CNTNAP3B: variants seen among roughly 807,000 people sequenced by gnomAD.
The protein encoded by CNTNAP3B is contactin-associated protein-like 3B.
CNTNAP3B carries 25 observed loss-of-function variants against 108.9 expected under a neutral mutation model. The observed-to-expected ratio is 0.23, with a 90% CI of 0.17 to 0.32. The LOEUF is 0.32. CNTNAP3B is among the 10% of genes least tolerant of loss of function. The pLI is 1.00. For synonymous variants in CNTNAP3B, 103 were observed against 473.4 expected, an observed-to-expected ratio of 0.22 and a Z score of 10.16; for missense variants, 252 against 1,210.4, an observed-to-expected ratio of 0.21 and a Z score of 11.75.
At chr9:41,973,845 TTCTC>T (rs1167766380) in intron 9 of CNTNAP3B, among the ~76,000 whole-genome samples, 1 of 130,452 alleles carries the variant, frequency 7.7e-6, no homozygotes, top group African/African-American at 3.1e-5. Context: ...TTCTCTTTCT[TTCTC>T]TCTCTCTCTC....
chr9:41,920,592 G>C (rs1823640649), intron 17 of CNTNAP3B, among the ~76,000 whole-genome samples: 1 of 152,290 alleles, frequency 6.6e-6, no homozygotes, highest in Non-Finnish European at 1.5e-5. Flanking sequence ...TTTCACTTTA[G>C]TTCCTTTACA....
At chr9:42,098,517 A>T (rs1827957418) in intron 2 of CNTNAP3B, among the ~76,000 whole-genome samples, 1 of 93,490 alleles carries the variant, frequency 1.1e-5, no homozygotes, top group Non-Finnish European at 2.1e-5. Flanking sequence ...TGGGAGGTGG[A>T]GCTTGCAGTG....
intron 15 of CNTNAP3B, among the ~76,000 whole-genome samples, chr9:41,926,091 T>G (rs1407382537): frequency 1.3e-5 from 2 of 152,292 alleles, no homozygotes; most frequent in Non-Finnish European, 2.9e-5. Flanking sequence ...TTATCTATTA[T>G]GTATATTAAA....
chr9:41,960,734 GTCTAT>G lies in CNTNAP3B; in HGVS notation c.1876+34_1876+38del, dbSNP rs1248426078. ...TGCCAACTAGGTAAATTTCTCCTTG[GTCTAT>G]TCTGATCTATGCATCTAACGATTAT... On this transcript the variant is annotated intron_variant, in intron 12 of 23. Transcript: ENST00000377561. 8.3e-6 allele frequency: 13 copies of G among 1,571,484 alleles called. No individual in the cohort carries two copies. The East Asian group carries it at 2.9e-4, about 35-fold the overall frequency.
chr9:42,054,058 C>G (rs1301595983), intron 3 of CNTNAP3B, among the ~76,000 whole-genome samples: 1 of 151,492 alleles, frequency 6.6e-6, no homozygotes, highest in Non-Finnish European at 1.5e-5. Flanking sequence ...TACTTTAGAG[C>G]ACAATAAAAT....
intron 2 of CNTNAP3B, among the ~76,000 whole-genome samples, chr9:42,087,397 G>A (rs955070093): frequency 7.9e-6 from 1 of 126,444 alleles, no homozygotes; most frequent in Non-Finnish European, 1.7e-5. Context: ...AACCTTGAGA[G>A]GTGAGGTTAC....
At chr9:42,126,816 C>T (rs1828581429) in intron 1 of CNTNAP3B, among the ~76,000 whole-genome samples, 2 of 138,230 alleles carry the variant, frequency 1.4e-5, no homozygotes, top group Admixed American at 1.4e-4. Flanking sequence ...GTGATCCACC[C>T]ACCTCGGCCT....
chr9:42,056,324 A>ATTTT (rs1236668921), intron 3 of CNTNAP3B, among the ~76,000 whole-genome samples: 5 of 101,710 alleles, frequency 4.9e-5, no homozygotes, highest in African/African-American at 1.4e-4. Context: ...TATCTCATGA[A>ATTTT]TTTTATTATT....
chr9:41,946,044 G>A (rs1824525192), intron 13 of CNTNAP3B, among the ~76,000 whole-genome samples: 1 of 152,066 alleles, frequency 6.6e-6, no homozygotes, highest in Admixed American at 6.5e-5. Context: ...ATATAATAAT[G>A]CTTAATATGT....
chr9:41,931,413 C>A (rs1230622668), intron 14 of CNTNAP3B, among the ~76,000 whole-genome samples: 7 of 152,268 alleles, frequency 4.6e-5, no homozygotes, highest in East Asian at 1.9e-4. Context: ...ACTAGAATTT[C>A]TTTTACTTAA....
At chr9:42,080,691 G>A (rs1827595028) in intron 2 of CNTNAP3B, among the ~76,000 whole-genome samples, 1 of 113,976 alleles carries the variant, frequency 8.8e-6, no homozygotes. Context: ...AAAGCATAAA[G>A]TTGGGAGTGA....
chr9:41,951,755 G>T (rs1293209369), intron 13 of CNTNAP3B, among the ~76,000 whole-genome samples: 1 of 152,054 alleles, frequency 6.6e-6, no homozygotes, highest in African/African-American at 2.4e-5. Context: ...GATGCCGACT[G>T]CACAGGTCTA....
rs1206958202 is a variant in CNTNAP3B at position 42,100,224 on chromosome 9, C to T, written c.196+4405G>A. On this transcript the variant is annotated intron_variant, in intron 2 of 23. Transcript: ENST00000377561. ...CCTTAATATCCCACATTCCTTTAAC[C>T]TGAGGTGGAAAACTCAAGTGGGGAG... is the stretch of plus-strand genomic sequence containing the variant. Among the ~76,000 whole-genome samples the T allele has an allele frequency of 2.5e-5, 2 of 80,174 alleles. 1 individual carries two copies. Among genetic ancestry groups the T allele is most frequent in the Non-Finnish European group, 5.2e-5 (2 of 38,226 alleles). The allele number at this position is 80,174 out of a possible 152,430, so 52.6% of individuals were successfully genotyped here.
In CNTNAP3B at chr9:41,984,013, T is replaced by C. The variant is rs1410629281; in HGVS notation, c.1477+2155A>G. On this transcript the variant is annotated intron_variant, in intron 9 of 23. Transcript: ENST00000377561. ...TTGCAGTGAGCCGAGATCGCGCCAC[T>C]GCACTCCAGCCTGGGGGACACAGCG... Among the ~76,000 whole-genome samples the C allele has an allele frequency of 3.1e-5, 3 of 95,852 alleles. 1 individual carries two copies. The highest frequency in any genetic ancestry group is 6.3e-5 in the Non-Finnish European group (3 of 47,254). 62.9% of individuals were successfully genotyped at this position (95,852 alleles called of 152,430 possible).
In CNTNAP3B at chr9:42,058,329, C is replaced by G. The variant is rs1223498177; in HGVS notation, c.390+18540G>C. On this transcript the variant is annotated intron_variant, in intron 3 of 23. Coordinates refer to ENST00000377561, the MANE Select transcript of CNTNAP3B (RefSeq NM_001201380.3). The stretch of plus-strand genomic sequence containing the variant: ...TGGATATACAAATTTACATTGCCAC[C>G]AACAGTATACAGGGATCCTCTTTTC... Among the ~76,000 whole-genome samples, 4 of 152,188 alleles carry G rather than the reference C, an allele frequency of 2.6e-5. No individual in the cohort carries two copies. The East Asian group carries it at 7.7e-4, about 29-fold the overall frequency.
At chr9:42,017,317 A>G (rs1826235988) in intron 3 of CNTNAP3B, among the ~76,000 whole-genome samples, 1 of 130,352 alleles carries the variant, frequency 7.7e-6, no homozygotes, top group African/African-American at 3.1e-5. Flanking sequence ...TGAGTATGAA[A>G]TACCCAGATT....
intron 9 of CNTNAP3B, among the ~76,000 whole-genome samples, chr9:41,977,995 A>T (rs1825554483): frequency 7.8e-6 from 1 of 128,432 alleles, no homozygotes; most frequent in African/African-American, 3.2e-5. Flanking sequence ...AAAAAAAAAC[A>T]GTAAAATGCA....
intron 3 of CNTNAP3B, among the ~76,000 whole-genome samples, chr9:42,063,723 T>C (rs966886826): frequency 2.9e-5 from 4 of 137,352 alleles, no homozygotes; most frequent in Admixed American, 7.2e-5. Context: ...TTCCTCTCTC[T>C]CTATATCTCT....
chr9:42,076,410 C>A (rs1318155258), intron 3 of CNTNAP3B, among the ~76,000 whole-genome samples: 3 of 124,466 alleles, frequency 2.4e-5, no homozygotes, highest in African/African-American at 6.7e-5. Flanking sequence ...TGGGTGATAA[C>A]AGCGAAACTC....
Sources: gnomAD v4.1 joint callset for allele counts (sites outside exome capture counted in the v4.1 genomes callset) on GRCh38, gnomAD v4.1.1 for gene constraint, MANE v1.5 for transcripts, NCBI Gene and HGNC (gene_info 2026-07-23, HGNC 2026-07-21) for gene names.